Variants in WDR27 observed in about 807,000 individuals in gnomAD.
The protein encoded by WDR27 is WD repeat domain 27.
In WDR27, 100 loss-of-function variants were observed where a neutral mutation model predicts 114.4. The ratio of observed to expected loss-of-function variants is 0.87; its 90% CI spans 0.74 to 1.03. The LOEUF (loss-of-function observed/expected upper bound fraction) is 1.03, where lower values mean the gene tolerates loss of function less well. Ranked by LOEUF, WDR27 falls within the 50% of genes least tolerant of loss-of-function variation. The pLI is 0.00. For synonymous variants in WDR27, 449 were observed against 423.1 expected, an observed-to-expected ratio of 1.06 and a Z score of -0.75; for missense variants, 1,129 against 1,092.9, an observed-to-expected ratio of 1.03 and a Z score of -0.47.
downstream of WDR27, among the ~76,000 whole-genome samples, chr6:169,452,265 A>C (rs904690608): frequency 3.3e-5 from 5 of 151,998 alleles, no homozygotes; most frequent in Non-Finnish European, 7.4e-5. Flanking sequence ...ACGAACCCAG[A>C]CTCCTCACTC....
In WDR27 at chr6:169,638,084, A is replaced by G. The variant is rs1328291644; in HGVS notation, c.1869+455T>C. ...GTAATCCCAGCACTTTGGGAGGCCG[A>G]GGCGGGTGGATCATGAGGTCAGGAG... On this transcript the variant is annotated intron_variant, in intron 18 of 25. Transcript: ENST00000448612. Among the ~76,000 whole-genome samples, 8 of 79,654 alleles carry G rather than the reference A, an allele frequency of 1.0e-4. 1 individual carries two copies. Among genetic ancestry groups the G allele is most frequent in the Non-Finnish European group, 1.9e-4 (8 of 41,066 alleles). The allele number at this position is 79,654 out of a possible 152,430, so 52.3% of individuals were successfully genotyped here.
intron 22 of WDR27, among the ~76,000 whole-genome samples, chr6:169,611,232 A>G (rs1322441405): frequency 6.6e-6 from 1 of 151,976 alleles, no homozygotes; most frequent in East Asian, 1.9e-4. Flanking sequence ...CTTAGGCTAC[A>G]CTAAATTTAT....
At position 169,644,563 on chromosome 6, in the gene WDR27, G is replaced by A. The variant is rs568079945; in HGVS notation, c.1658-777C>T. 2.1e-4 allele frequency among the ~76,000 whole-genome samples: 31 copies of A among 149,726 alleles called. 1 individual carries two copies. In the South Asian group the frequency reaches 5.4e-3, roughly 26 times the overall value. The stretch of plus-strand genomic sequence containing the variant: ...CCTAGTTCACAGGAGTCACACTGTC[G>A]AAAAGCCTAGTTCACAGGAGTCACA... On this transcript the variant is annotated intron_variant, in intron 16 of 25. Transcript: ENST00000448612.
Position 169,649,191 on chromosome 6 carries a change from C to T in WDR27, c.1559+7G>A, listed in dbSNP as rs755573313. ...AATGTACTTGGAATGCACGCTACAT[C>T]ACACACCGTGCGCAGCTGCTCCTGC... On this transcript the variant is annotated splice_region_variant and intron_variant, in intron 15 of 25. Transcript: ENST00000448612. 2.6e-6 allele frequency: 4 copies of T among 1,564,374 alleles called. No homozygotes were observed. In the South Asian group the frequency reaches 3.5e-5, roughly 14 times the overall value.
chr6:169,545,045 C>T (rs540891468), intron 25 of WDR27, among the ~76,000 whole-genome samples: 61 of 152,180 alleles, frequency 4.0e-4, no homozygotes, highest in Non-Finnish European at 7.1e-4. Flanking sequence ...TTTGTAGACA[C>T]AGACAAGCTT....
intron 25 of WDR27, among the ~76,000 whole-genome samples, chr6:169,567,293 G>C (rs1289636313): frequency 6.6e-6 from 1 of 152,210 alleles, no homozygotes; most frequent in Non-Finnish European, 1.5e-5. Flanking sequence ...AGGAGTCCAG[G>C]TTGGCGCAGT....
At chr6:169,614,323 G>A (rs1024128729) in intron 21 of WDR27, among the ~76,000 whole-genome samples, 2 of 152,154 alleles carry the variant, frequency 1.3e-5, no homozygotes, top group African/African-American at 4.8e-5. Context: ...AAGGATAGAT[G>A]TGCCTACAAG....
At chr6:169,554,184 T>C (rs1012837629) in intron 25 of WDR27, among the ~76,000 whole-genome samples, 4 of 152,192 alleles carry the variant, frequency 2.6e-5, no homozygotes, top group African/African-American at 9.6e-5. Context: ...CGGGTGGTCA[T>C]GCCCGGGTTC....
At chr6:169,500,923 C>A (rs1791117578) in intron 25 of WDR27, among the ~76,000 whole-genome samples, 1 of 152,216 alleles carries the variant, frequency 6.6e-6, no homozygotes, top group Non-Finnish European at 1.5e-5. Context: ...CTTATGCTCC[C>A]TAGATGTGGA....
chr6:169,619,017 T>C (rs1812536966), intron 21 of WDR27, among the ~76,000 whole-genome samples: 1 of 152,236 alleles, frequency 6.6e-6, no homozygotes, highest in Admixed American at 6.5e-5. Flanking sequence ...GAACTATTTT[T>C]CTTAATATAA....
intron 14 of WDR27, 121 bp downstream of exon 14, chr6:169,651,809 T>C (rs1004357114): frequency 2.4e-5 from 20 of 818,874 alleles, no homozygotes; most frequent in Middle Eastern, 2.4e-4. Context: ...TCTGTTTCTA[T>C]TGCTATGTCC....
At chr6:169,699,990 A>G (rs995341854) in intron 1 of WDR27, among the ~76,000 whole-genome samples, 1 of 152,138 alleles carries the variant, frequency 6.6e-6, no homozygotes, top group Non-Finnish European at 1.5e-5. Context: ...AAAGGAAAGA[A>G]AAAGAACAAT....
chr6:169,437,244 A>C, the WDR27 span, among the ~76,000 whole-genome samples: 10 of 151,988 alleles, frequency 6.6e-5, no homozygotes, highest in Middle Eastern at 6.8e-3. Flanking sequence ...GTTGGCTAGG[A>C]CTGGAAGGAA....
chr6:169,545,670 C>T (rs1171340787), intron 25 of WDR27, among the ~76,000 whole-genome samples: 1 of 151,886 alleles, frequency 6.6e-6, no homozygotes, highest in Admixed American at 6.6e-5. Context: ...AGAGTGAGAC[C>T]CTGTCTCCAA....
intron 25 of WDR27, among the ~76,000 whole-genome samples, chr6:169,496,424 A>G (rs543394114): frequency 6.6e-6 from 1 of 152,250 alleles, no homozygotes; most frequent in South Asian, 2.1e-4. Context: ...CTTCTATTCA[A>G]CACAGTCTAA....
intron 23 of WDR27, among the ~76,000 whole-genome samples, chr6:169,596,680 A>C (rs1028689880): frequency 2.0e-5 from 3 of 152,090 alleles, no homozygotes; most frequent in African/African-American, 7.2e-5. Flanking sequence ...GAGATATAGA[A>C]AAAAATAGAG....
intron 9 of WDR27, among the ~76,000 whole-genome samples, chr6:169,661,210 T>C (rs1826006233): frequency 6.6e-6 from 1 of 152,234 alleles, no homozygotes; most frequent in African/African-American, 2.4e-5. Context: ...GGTTTCTATT[T>C]TCTTCTAAGG....
chr6:169,600,415 C>T (rs1001757666), intron 23 of WDR27, among the ~76,000 whole-genome samples: 1 of 152,214 alleles, frequency 6.6e-6, no homozygotes, highest in African/African-American at 2.4e-5. Flanking sequence ...ACCACTCCTC[C>T]TCCAAAGGAA....
chr6:169,593,851 A>AC (rs1191033150), intron 23 of WDR27, among the ~76,000 whole-genome samples: 1,769 of 114,402 alleles, frequency 0.015, 30 homozygotes, highest in African/African-American at 0.047. Context: ...TCTGTCTCAA[A>AC]AAAACAAACA....
Sources: allele counts gnomAD v4.1 joint callset (sites outside exome capture counted in the v4.1 genomes callset), GRCh38; gene constraint gnomAD v4.1.1; transcripts MANE v1.5; gene names NCBI Gene and HGNC (gene_info 2026-07-23, HGNC 2026-07-21).